The following ITFG1 variants were observed in gnomAD, a reference collection of about 807,000 sequenced individuals.
ITFG1 encodes the protein T-cell immunomodulatory protein.
In ITFG1, 34 loss-of-function variants were observed where a neutral mutation model predicts 81.8. The observed-to-expected ratio is 0.42, with a 90% CI of 0.32 to 0.55. The LOEUF (loss-of-function observed/expected upper bound fraction) is 0.55, where lower values mean the gene tolerates loss of function less well. Ranked by LOEUF, ITFG1 falls within the 20% of genes least tolerant of loss-of-function variation. ITFG1 has a pLI of 0.17. For missense variants in ITFG1, 672 were observed against 755.4 expected (o/e 0.89, Z 1.29); for synonymous variants, 285 against 270.6 (o/e 1.05, Z -0.52).
intron 5 of ITFG1, among the ~76,000 whole-genome samples, chr16:47,430,875 T>A (rs1444825286): frequency 1.3e-5 from 2 of 152,218 alleles, no homozygotes; most frequent in African/African-American, 4.8e-5. Flanking sequence ...GAAAAATGAA[T>A]GCTCCTAGTA....
rs1969420769 is a variant in ITFG1 at position 47,454,029 on chromosome 16, T to C, written c.411A>G (p.Gly137=). Residue 137 remains glycine, a synonymous_variant, in exon 3 of 18, where the codon GGA becomes GGG. Coordinates refer to ENST00000320640, the MANE Select transcript of ITFG1 (RefSeq NM_030790.5). ...CAAATTCACCTAATGTTTGATTTTG[T>C]CCCCAGAAGATAACAGCTCCTAATT... ...KSELGAVIFW[G]QNQTLDPNNM... is the part of the protein sequence containing the mutation. The C allele has an allele frequency of 1.9e-6, 3 of 1,600,084 alleles. No individual in the cohort carries two copies. The highest frequency in any genetic ancestry group is 2.6e-6 in the Non-Finnish European group (3 of 1,173,906).
intron 14 of ITFG1, among the ~76,000 whole-genome samples, chr16:47,180,847 G>A (rs1177577810): frequency 1.7e-4 from 25 of 145,826 alleles, no homozygotes; most frequent in Admixed American, 7.5e-4. Flanking sequence ...GCCGCCCATC[G>A]TCTGGGATGT....
At chr16:47,292,584 T>C (rs1034287762) in intron 10 of ITFG1, among the ~76,000 whole-genome samples, 6 of 152,202 alleles carry the variant, frequency 3.9e-5, no homozygotes, top group African/African-American at 1.4e-4. Context: ...TGGTAAAGTC[T>C]GGGACATTAG....
intron 11 of ITFG1, among the ~76,000 whole-genome samples, chr16:47,259,840 T>C (rs553745867): frequency 6.6e-6 from 1 of 152,114 alleles, no homozygotes; most frequent in African/African-American, 2.4e-5. Flanking sequence ...TCTGTGGAAA[T>C]AGACGCTACT....
At position 47,262,006 on chromosome 16, in the gene ITFG1, A is replaced by C. The variant is rs542658114; in HGVS notation, c.1071-1311T>G. 2.4e-4 allele frequency among the ~76,000 whole-genome samples: 36 copies of C among 152,352 alleles called. No homozygotes were observed. In the South Asian group the frequency reaches 6.4e-3, roughly 27 times the overall value. ...TTACTTTAAATAAATCAGTACATAG[A>C]GATTTCTTTTGTTCATATAAAAATA... is the stretch of plus-strand genomic sequence containing the variant. On this transcript the variant is annotated intron_variant, in intron 10 of 17. Coordinates refer to ENST00000320640, the MANE Select transcript of ITFG1 (RefSeq NM_030790.5).
At chr16:47,460,766 G>C in intron 1 of ITFG1, 72 bp downstream of exon 1, 1 of 1,511,488 alleles carries the variant, frequency 6.6e-7, no homozygotes, top group Non-Finnish European at 9.1e-7. Flanking sequence ...CCGGCCATTG[G>C]GCAATGGGTT....
intron 12 of ITFG1, chr16:47,238,218 A>C (rs1358924578): frequency 2.9e-5 from 13 of 445,640 alleles, no homozygotes; most frequent in Non-Finnish European, 4.8e-5. Flanking sequence ...TCAAGATGCT[A>C]CTATTTTGTG....
rs539421972 is a variant in ITFG1, at chr16:47,183,512, G to C, written c.1454-20848C>G. 4.6e-5 allele frequency among the ~76,000 whole-genome samples: 7 copies of C among 152,108 alleles called. No homozygotes were observed. The East Asian group carries it at 1.2e-3, about 25-fold the overall frequency. On this transcript the variant is annotated intron_variant, in intron 14 of 17. Coordinates refer to ENST00000320640, the MANE Select transcript of ITFG1 (RefSeq NM_030790.5). ...CCAGGCAGCCTAACTGGGAGGCACCGCCCAGCAGGGGCAGACTGACACCTC... is the reference window on the plus strand; with the variant it reads ...CCAGGCAGCCTAACTGGGAGGCACCCCCCAGCAGGGGCAGACTGACACCTC...
At chr16:47,158,814 A>G in intron 17 of ITFG1, 59 bp downstream of exon 17, 1 of 793,806 alleles carries the variant, frequency 1.3e-6, no homozygotes. Context: ...TTTAAAGAGC[A>G]ATGTATGTAT....
intron 8 of ITFG1, among the ~76,000 whole-genome samples, chr16:47,355,628 C>G (rs1968029571): frequency 6.6e-6 from 1 of 152,108 alleles, no homozygotes; most frequent in African/African-American, 2.4e-5. Context: ...TGAAACATCA[C>G]ATTGTATCCC....
At chr16:47,234,779 CA>C (rs1253415486) in intron 13 of ITFG1, among the ~76,000 whole-genome samples, 2 of 152,158 alleles carry the variant, frequency 1.3e-5, no homozygotes, top group African/African-American at 4.8e-5. Context: ...GCTGTGTCCA[CA>C]CCCAAATCTC....
chr16:47,221,827 C>T (rs546232855), intron 13 of ITFG1, among the ~76,000 whole-genome samples: 35 of 152,240 alleles, frequency 2.3e-4, no homozygotes, highest in African/African-American at 8.2e-4. Flanking sequence ...GTGTATGTGT[C>T]GAGAAATTTA....
intron 10 of ITFG1, among the ~76,000 whole-genome samples, chr16:47,298,453 G>C (rs993410392): frequency 3.3e-5 from 5 of 151,382 alleles, no homozygotes; most frequent in African/African-American, 7.3e-5. Context: ...TCTTGCTTTT[G>C]AATTTACTTT....
chr16:47,410,548 TGA>T (rs1415489573), intron 6 of ITFG1, among the ~76,000 whole-genome samples: 1 of 151,678 alleles, frequency 6.6e-6, no homozygotes, highest in Non-Finnish European at 1.5e-5. Flanking sequence ...GAGAAAACAC[TGA>T]GAGTTGGCAG....
rs1491145615 is a variant in ITFG1 at position 47,433,792 on chromosome 16, T to TATATATATATACAC, written c.561-4895_561-4894insGTGTATATATATAT. Among the ~76,000 whole-genome samples, 7 of 135,636 alleles carry TATATATATATACAC rather than the reference T, an allele frequency of 5.2e-5. 1 individual carries two copies. The highest frequency in any genetic ancestry group is 1.7e-4 in the African/African-American group (6 of 35,306). 89.0% of individuals were successfully genotyped at this position (135,636 alleles called of 152,430 possible). A position where few individuals can be genotyped will look rare whatever the true frequency, so the allele number is the denominator to read the frequency against. ...CTGAATATATATATATATATATATA[T>TATATATATATACAC]ACACACACACACATACACACACGTA... On this transcript the variant is annotated intron_variant, in intron 5 of 17. Transcript: ENST00000320640.
chr16:47,243,864 G>A (rs573780665), intron 12 of ITFG1, among the ~76,000 whole-genome samples: 1 of 152,202 alleles, frequency 6.6e-6, no homozygotes, highest in African/African-American at 2.4e-5. Flanking sequence ...AACTCCGTTT[G>A]TACTAAAAAT....
intron 10 of ITFG1, chr16:47,263,323 G>T: frequency 2.1e-6 from 1 of 468,804 alleles, no homozygotes. Context: ...ACCTGGAAAT[G>T]GAGCAGGCCT....
intron 14 of ITFG1, among the ~76,000 whole-genome samples, chr16:47,217,299 T>C (rs908554474): frequency 1.3e-5 from 2 of 152,216 alleles, no homozygotes; most frequent in African/African-American, 4.8e-5. Context: ...AAATTTAAGT[T>C]GTTAGGTTTT....
intron 13 of ITFG1, among the ~76,000 whole-genome samples, chr16:47,230,346 AG>A (rs1157255360): frequency 6.6e-6 from 1 of 152,210 alleles, no homozygotes; most frequent in Non-Finnish European, 1.5e-5. Flanking sequence ...ATGCAGCTGC[AG>A]CGGCATAAGC....
Sources: gnomAD v4.1 joint callset for allele counts (sites outside exome capture counted in the v4.1 genomes callset) on GRCh38, gnomAD v4.1.1 for gene constraint, MANE v1.5 for transcripts, NCBI Gene and HGNC (gene_info 2026-07-23, HGNC 2026-07-21) for gene names.